Variants in CNBD1 observed in about 807,000 individuals in gnomAD.
The protein encoded by CNBD1 is cyclic nucleotide-binding domain-containing protein 1.
A neutral mutation model predicts 54.4 loss-of-function variants in CNBD1; 71 were observed. That is an observed-to-expected ratio of 1.30 (90% CI 1.08 to 1.59). CNBD1 has a LOEUF of 1.59. Among genes scored for constraint, CNBD1 ranks in the 40% most tolerant of loss-of-function variants. The pLI, the probability that CNBD1 is intolerant of heterozygous loss-of-function variation, is 0.00. For missense variants in CNBD1, 659 were observed against 518.0 expected (o/e 1.27, Z -2.64); for synonymous variants, 182 against 170.7 (o/e 1.07, Z -0.51).
At chr8:86,965,502 C>T (rs754075948) in intron 4 of CNBD1, among the ~76,000 whole-genome samples, 1 of 152,144 alleles carries the variant, frequency 6.6e-6, no homozygotes, top group Non-Finnish European at 1.5e-5. Context: ...TTAAGTCTGG[C>T]AACCATGCTA....
At chr8:86,941,115 A>C (rs1809648092) in intron 4 of CNBD1, among the ~76,000 whole-genome samples, 3 of 152,224 alleles carry the variant, frequency 2.0e-5, no homozygotes, top group African/African-American at 7.2e-5. Flanking sequence ...CTTCCAGAAA[A>C]TTTGAGAATG....
At chr8:87,224,130 T>A (rs1814417415) in intron 5 of CNBD1, among the ~76,000 whole-genome samples, 1 of 152,022 alleles carries the variant, frequency 6.6e-6, no homozygotes, top group South Asian at 2.1e-4. Context: ...TCATTGTAGA[T>A]TCTGGATATT....
chr8:87,153,892 G>T (rs143766688), intron 4 of CNBD1, among the ~76,000 whole-genome samples: 191 of 152,296 alleles, frequency 1.3e-3, no homozygotes, highest in African/African-American at 4.1e-3. Flanking sequence ...AGGTGGTTAA[G>T]TAAGCAGAAG....
At chr8:87,034,490 T>G (rs1809864647) in intron 4 of CNBD1, among the ~76,000 whole-genome samples, 1 of 152,248 alleles carries the variant, frequency 6.6e-6, no homozygotes, top group Non-Finnish European at 1.5e-5. Flanking sequence ...GTACTACAGT[T>G]AATTTTATAC....
chr8:86,937,923 G>GCTTTTCTA (rs1809579864), intron 3 of CNBD1, among the ~76,000 whole-genome samples: 1 of 152,106 alleles, frequency 6.6e-6, no homozygotes, highest in African/African-American at 2.4e-5. Context: ...GCATTTTCAG[G>GCTTTTCTA]CTGCAAATTT....
At chr8:86,940,290 C>G (rs1337521219) in intron 4 of CNBD1, among the ~76,000 whole-genome samples, 1 of 151,972 alleles carries the variant, frequency 6.6e-6, no homozygotes, top group African/African-American at 2.4e-5. Context: ...CCTCAGCCCC[C>G]CAAGTAGCTG....
chr8:87,310,297 T>C (rs917394381), intron 8 of CNBD1, among the ~76,000 whole-genome samples: 2 of 151,910 alleles, frequency 1.3e-5, no homozygotes, highest in Admixed American at 6.6e-5. Context: ...AGAGGGTGCA[T>C]TGAGCTGTGA....
chr8:87,190,888 T>A (rs1157978771), intron 4 of CNBD1, among the ~76,000 whole-genome samples: 1 of 139,326 alleles, frequency 7.2e-6, no homozygotes, highest in African/African-American at 3.1e-5. Context: ...TACATGTACG[T>A]ATATCTATTT....
intron 4 of CNBD1, among the ~76,000 whole-genome samples, chr8:87,069,938 C>A (rs1473507582): frequency 6.6e-6 from 1 of 152,030 alleles, no homozygotes; most frequent in Non-Finnish European, 1.5e-5. Flanking sequence ...AATCCTACCC[C>A]AAATCCTAGG....
chr8:86,984,846 C>T (rs1196462705), intron 4 of CNBD1, among the ~76,000 whole-genome samples: 2 of 152,142 alleles, frequency 1.3e-5, no homozygotes, highest in East Asian at 3.8e-4. Context: ...TCAAGTGAGA[C>T]TTTAGACTGT....
chr8:86,988,344 A>G lies in CNBD1; in HGVS notation c.431+48590A>G, dbSNP rs541367970. Among the ~76,000 whole-genome samples, 3 of 152,072 alleles carry G rather than the reference A, an allele frequency of 2.0e-5. No individual in the cohort carries two copies. In the South Asian group the frequency reaches 6.2e-4, roughly 32 times the overall value. On this transcript the variant is annotated intron_variant, in intron 4 of 10. Transcript: ENST00000518476. ...TCTTTTGTGTTTTTTGGGATCAGTTATAATGTCACTTTTGTCATTTCTATT... is the reference window on the plus strand; with the variant it reads ...TCTTTTGTGTTTTTTGGGATCAGTTGTAATGTCACTTTTGTCATTTCTATT...
intron 2 of CNBD1, among the ~76,000 whole-genome samples, chr8:86,896,952 A>T (rs1480981191): frequency 6.6e-6 from 1 of 152,214 alleles, no homozygotes; most frequent in Non-Finnish European, 1.5e-5. Flanking sequence ...ATGGAATACA[A>T]ATTAAACAAG....
intron 6 of CNBD1, among the ~76,000 whole-genome samples, chr8:87,242,519 C>T (rs1022521617): frequency 6.6e-6 from 1 of 152,134 alleles, no homozygotes; most frequent in Non-Finnish European, 1.5e-5. Context: ...TAGATAATAG[C>T]TTAACTCTTT....
At chr8:87,409,801 T>C (rs1363224222) in intron 2 of CNBD1, among the ~76,000 whole-genome samples, 2 of 152,038 alleles carry the variant, frequency 1.3e-5, no homozygotes, top group African/African-American at 4.8e-5. Context: ...AGCGGGAGGA[T>C]TGCCAGATCT....
At chr8:86,922,389 T>C (rs1157779473) in intron 3 of CNBD1, among the ~76,000 whole-genome samples, 2 of 152,106 alleles carry the variant, frequency 1.3e-5, no homozygotes, top group East Asian at 3.9e-4. Context: ...TGCCAGGTCA[T>C]AGGAGCAATA....
chr8:86,912,415 A>G (rs561277371), intron 3 of CNBD1, among the ~76,000 whole-genome samples: 1 of 152,324 alleles, frequency 6.6e-6, no homozygotes, highest in East Asian at 1.9e-4. Flanking sequence ...ATTTCAGCCA[A>G]CAGTGGATCA....
At chr8:87,187,470 C>CTTTT (rs5893014) in intron 4 of CNBD1, among the ~76,000 whole-genome samples, 9 of 141,882 alleles carry the variant, frequency 6.3e-5, no homozygotes, top group African/African-American at 2.3e-4. Context: ...ATATCCTTCT[C>CTTTT]TTTTTTTTTT....
At chr8:87,329,915 C>T (rs1281458887) in intron 8 of CNBD1, among the ~76,000 whole-genome samples, 1 of 151,932 alleles carries the variant, frequency 6.6e-6, no homozygotes, top group Admixed American at 6.6e-5. Flanking sequence ...TTAGCTAGGA[C>T]TTCCAGTATA....
intron 2 of CNBD1, among the ~76,000 whole-genome samples, chr8:86,896,349 C>T (rs1227343862): frequency 1.3e-5 from 2 of 152,082 alleles, no homozygotes; most frequent in Non-Finnish European, 1.5e-5. Context: ...AATAGTACTT[C>T]GTTAAAGATT....
Sources: allele counts gnomAD v4.1 joint callset (sites outside exome capture counted in the v4.1 genomes callset), GRCh38; gene constraint gnomAD v4.1.1; transcripts MANE v1.5; gene names NCBI Gene and HGNC (gene_info 2026-07-23, HGNC 2026-07-21).